PLCB1: variants seen among roughly 807,000 people sequenced by gnomAD.
The protein encoded by PLCB1 is phospholipase C beta 1, also known as 1-phosphatidylinositol 4,5-bisphosphate phosphodiesterase beta-1.
A neutral mutation model predicts 161.8 loss-of-function variants in PLCB1; 46 were observed. The observed-to-expected ratio is 0.28, with a 90% CI of 0.22 to 0.36. The LOEUF (loss-of-function observed/expected upper bound fraction) is 0.36. PLCB1 is among the 10% of genes least tolerant of loss of function. The pLI is 1.00. For synonymous variants in PLCB1, 517 were observed against 503.7 expected, an observed-to-expected ratio of 1.03 and a Z score of -0.35; for missense variants, 1,016 against 1,472.5, an observed-to-expected ratio of 0.69 and a Z score of 5.07.
At chr20:8,286,026 GA>G (rs1983102433) in intron 2 of PLCB1, among the ~76,000 whole-genome samples, 1 of 152,174 alleles carries the variant, frequency 6.6e-6, no homozygotes, top group African/African-American at 2.4e-5. Context: ...TAGCATAAGA[GA>G]AAAGGATAAA....
chr20:8,754,128 A>G (rs1046772346), intron 23 of PLCB1, among the ~76,000 whole-genome samples: 1 of 152,230 alleles, frequency 6.6e-6, no homozygotes, highest in Non-Finnish European at 1.5e-5. Context: ...ATGTTTACTT[A>G]ACATCTATCT....
At chr20:8,142,927 C>T (rs536303907) in intron 1 of PLCB1, among the ~76,000 whole-genome samples, 35 of 152,294 alleles carry the variant, frequency 2.3e-4, no homozygotes, top group Non-Finnish European at 4.4e-4. Context: ...AGCTGCCCTC[C>T]TGCCCCTGAG....
rs532172371 is a variant in PLCB1, at chr20:8,346,554, A to G, written c.178-24828A>G. Among the ~76,000 whole-genome samples the G allele has an allele frequency of 5.9e-5, 9 of 152,312 alleles. No homozygotes were observed. In the East Asian group the frequency reaches 1.7e-3, roughly 29 times the overall value. On this transcript the variant is annotated intron_variant, in intron 2 of 31. Coordinates refer to ENST00000338037, the MANE Select transcript of PLCB1 (RefSeq NM_015192.4). ...TTTCTCAAAGTAATCATGAGTTATA[A>G]TTTAAACTGTTAAATACACACTGCC...
At chr20:8,575,748 T>G (rs891731621) in intron 3 of PLCB1, among the ~76,000 whole-genome samples, 6 of 152,248 alleles carry the variant, frequency 3.9e-5, no homozygotes, top group African/African-American at 1.4e-4. Flanking sequence ...CAATCTGAAA[T>G]AATCTTGATT....
rs188658434 is a variant in PLCB1, at chr20:8,571,062, A to C, written c.247-57232A>C. Among the ~76,000 whole-genome samples the C allele has an allele frequency of 2.6e-3, 391 of 152,358 alleles. 1 individual carries two copies. The highest frequency in any genetic ancestry group is 8.9e-3 in the African/African-American group (372 of 41,586). ...AGAGAGTGTGGAATGGTATGTAGGCACCAGGTCATGTAAAACTGTGGAGAC... is the reference window on the plus strand; with the variant it reads ...AGAGAGTGTGGAATGGTATGTAGGCCCCAGGTCATGTAAAACTGTGGAGAC... On this transcript the variant is annotated intron_variant, in intron 3 of 31. Transcript: ENST00000338037.
chr20:8,532,656 G>A (rs1297056125), intron 3 of PLCB1, among the ~76,000 whole-genome samples: 2 of 152,028 alleles, frequency 1.3e-5, no homozygotes, highest in Non-Finnish European at 2.9e-5. Context: ...AATATATTAA[G>A]ATTAAAAGAT....
At position 8,733,616 on chromosome 20, in the gene PLCB1, A is replaced by C. The variant is rs370695138; in HGVS notation, c.2043+224A>C. Reference sequence around the variant, plus strand: ...TCTATGAATGCACACGGGAAGGGGAACATCACACTCTGGGGACTGTTGTGG... The same window carrying C: ...TCTATGAATGCACACGGGAAGGGGACCATCACACTCTGGGGACTGTTGTGG... On this transcript the variant is annotated intron_variant, in intron 19 of 31. Coordinates refer to ENST00000338037, the MANE Select transcript of PLCB1 (RefSeq NM_015192.4). Among the ~76,000 whole-genome samples the C allele has an allele frequency of 3.3e-5, 5 of 149,864 alleles. 1 individual carries two copies. The highest frequency in any genetic ancestry group is 1.2e-4 in the African/African-American group (5 of 40,192).
At chr20:8,710,314 C>G (rs1978928498) in intron 12 of PLCB1, among the ~76,000 whole-genome samples, 1 of 152,052 alleles carries the variant, frequency 6.6e-6, no homozygotes, top group Admixed American at 6.5e-5. Context: ...ATCGCAACAA[C>G]AGTACCAAGG....
chr20:8,371,191 G>A, intron 2 of PLCB1, 191 bp from the exon 3 acceptor site: 2 of 539,162 alleles, frequency 3.7e-6, no homozygotes, highest in Middle Eastern at 4.8e-4. Context: ...TAACTGAGCA[G>A]TTAGCAGTTA....
Position 8,725,627 on chromosome 20 carries a change from A to G in PLCB1, c.1678+875A>G, listed in dbSNP as rs189317251. Among the ~76,000 whole-genome samples, 94 of 152,282 alleles carry G rather than the reference A, an allele frequency of 6.2e-4. No individual in the cohort carries two copies. The East Asian group carries it at 0.017, about 28-fold the overall frequency. On this transcript the variant is annotated intron_variant, in intron 16 of 31. Transcript: ENST00000338037. Reference sequence around the variant, plus strand: ...TTCAACTTCCAAGAGTTTATATATAATGATTTCTCAACATTGAATTCGATG... The same window carrying G: ...TTCAACTTCCAAGAGTTTATATATAGTGATTTCTCAACATTGAATTCGATG...
chr20:8,183,087 G>T (rs938567442), intron 2 of PLCB1, among the ~76,000 whole-genome samples: 4 of 152,160 alleles, frequency 2.6e-5, no homozygotes, highest in African/African-American at 9.7e-5. Flanking sequence ...GAGCAAAGAT[G>T]AGGCTTTGCT....
intron 3 of PLCB1, among the ~76,000 whole-genome samples, chr20:8,501,864 CATATATATATATATATATATATATAT>C (rs36226867): frequency 0.41 from 43,500 of 104,900 alleles, 8,997 homozygotes; most frequent in East Asian, 0.55. Context: ...AGATATATCG[CATATATATATATATATATATATATAT>C]ATATATATAT....
chr20:8,395,610 T>C (rs1198823738), intron 3 of PLCB1, among the ~76,000 whole-genome samples: 1 of 151,786 alleles, frequency 6.6e-6, no homozygotes, highest in Non-Finnish European at 1.5e-5. Context: ...TTCACATGAG[T>C]TGGTGGTTTA....
At chr20:8,793,392 A>G (rs951528837) in intron 31 of PLCB1, among the ~76,000 whole-genome samples, 1 of 152,208 alleles carries the variant, frequency 6.6e-6, no homozygotes, top group African/African-American at 2.4e-5. Flanking sequence ...TACAGATGGT[A>G]TCGGGGAATC....
intron 2 of PLCB1, among the ~76,000 whole-genome samples, chr20:8,267,093 A>C (rs1250767291): frequency 6.6e-6 from 1 of 152,132 alleles, no homozygotes; most frequent in Non-Finnish European, 1.5e-5. Context: ...CCGTACCTTA[A>C]ATACAAGACA....
chr20:8,493,415 G>T (rs1983029568), intron 3 of PLCB1, among the ~76,000 whole-genome samples: 1 of 151,984 alleles, frequency 6.6e-6, no homozygotes, highest in African/African-American at 2.4e-5. Context: ...AATTTCTAAG[G>T]TTGTGATTTT....
intron 31 of PLCB1, among the ~76,000 whole-genome samples, chr20:8,823,431 C>A (rs1050184292): frequency 3.3e-5 from 5 of 152,126 alleles, no homozygotes; most frequent in African/African-American, 1.2e-4. Flanking sequence ...CCAGAGCCAC[C>A]ACCCCTGCCT....
Position 8,856,602 on chromosome 20 carries a change from G to A in PLCB1, c.3424-25020G>A, listed in dbSNP as rs2146308036. Among the ~76,000 whole-genome samples the A allele has an allele frequency of 1.3e-5, 2 of 152,254 alleles. 1 individual carries two copies. The highest frequency in any genetic ancestry group is 4.1e-4 in the South Asian group (2 of 4,822). ...ACTGCACTCCAGCCTGGGCAACAGA[G>A]CAAGACTGTGTCTCAAAAAAATAAA... On this transcript the variant is annotated intron_variant, in intron 31 of 31. Coordinates refer to ENST00000338037, the MANE Select transcript of PLCB1 (RefSeq NM_015192.4).
intron 2 of PLCB1, among the ~76,000 whole-genome samples, chr20:8,261,403 A>T (rs1166770680): frequency 5.3e-5 from 8 of 152,156 alleles, no homozygotes; most frequent in Non-Finnish European, 8.8e-5. Context: ...GCCAAAATTC[A>T]TGTTAGCAAG....
Sources: gnomAD v4.1 joint callset for allele counts (sites outside exome capture counted in the v4.1 genomes callset) on GRCh38, gnomAD v4.1.1 for gene constraint, MANE v1.5 for transcripts, NCBI Gene and HGNC (gene_info 2026-07-23, HGNC 2026-07-21) for gene names.